The following ASAP1 variants were observed in gnomAD, a reference collection of about 807,000 sequenced individuals.
ASAP1 encodes the protein ArfGAP with SH3 domain, ankyrin repeat and PH domain 1, also known as arf-GAP with SH3 domain, ANK repeat and PH domain-containing protein 1.
Under a neutral mutation model 145.2 loss-of-function variants are expected in ASAP1, and 43 were observed. The observed-to-expected ratio is 0.30, with a 90% CI of 0.23 to 0.38. The LOEUF is 0.38. Ranked by LOEUF, ASAP1 falls within the 10% of genes least tolerant of loss-of-function variation. ASAP1 has a pLI of 1.00. For synonymous variants in ASAP1, 546 were observed against 515.5 expected (o/e 1.06, Z -0.80); for missense variants, 1,018 against 1,355.3 (o/e 0.75, Z 3.91).
intron 3 of ASAP1, among the ~76,000 whole-genome samples, chr8:130,316,311 A>G (rs1823659862): frequency 6.6e-6 from 1 of 152,200 alleles, no homozygotes; most frequent in South Asian, 2.1e-4. Flanking sequence ...TTTGGTATCC[A>G]TATTGGTAAA....
intron 18 of ASAP1, among the ~76,000 whole-genome samples, chr8:130,121,547 C>T (rs12676536): frequency 0.17 from 26,255 of 151,870 alleles, 2,703 homozygotes; most frequent in African/African-American, 0.27. Context: ...ACTGGGAGGC[C>T]GAGGTGGGTG....
intron 2 of ASAP1, among the ~76,000 whole-genome samples, chr8:130,362,038 T>C (rs2138200037): frequency 6.6e-6 from 1 of 152,274 alleles, no homozygotes; most frequent in South Asian, 2.1e-4. Flanking sequence ...TATGGCAGGA[T>C]GCACTTTGTC....
intron 13 of ASAP1, 93 bp downstream of exon 13, chr8:130,152,643 C>T: frequency 1.3e-6 from 1 of 798,174 alleles, no homozygotes; most frequent in Non-Finnish European, 2.0e-6. Flanking sequence ...GACCCAAATG[C>T]ATAAATATAT....
chr8:130,324,351 T>C (rs1474236894), intron 3 of ASAP1, among the ~76,000 whole-genome samples: 1 of 152,180 alleles, frequency 6.6e-6, no homozygotes, highest in Non-Finnish European at 1.5e-5. Context: ...TGGCCGAAAC[T>C]GTCTAAGGCT....
At chr8:130,187,697 T>C (rs140564009) in intron 6 of ASAP1, among the ~76,000 whole-genome samples, 193 of 152,294 alleles carry the variant, frequency 1.3e-3, no homozygotes, top group Admixed American at 2.1e-3. Context: ...GCTCAGATTA[T>C]AGGCATGACC....
intron 4 of ASAP1, among the ~76,000 whole-genome samples, chr8:130,216,097 T>C (rs1816913983): frequency 6.6e-6 from 1 of 151,966 alleles, no homozygotes; most frequent in African/African-American, 2.4e-5. Flanking sequence ...AAAGAAACTA[T>C]GATTACCTGA....
At chr8:130,327,760 G>A (rs1040414753) in intron 3 of ASAP1, among the ~76,000 whole-genome samples, 1 of 152,176 alleles carries the variant, frequency 6.6e-6, no homozygotes, top group Non-Finnish European at 1.5e-5. Flanking sequence ...GGAGGAAAAT[G>A]AGGAGTGACT....
intron 9 of ASAP1, among the ~76,000 whole-genome samples, chr8:130,178,758 G>T (rs571919005): frequency 2.6e-5 from 4 of 152,216 alleles, no homozygotes; most frequent in Non-Finnish European, 5.9e-5. Flanking sequence ...GTGTGGTGGC[G>T]TGCGCCTGTC....
chr8:130,308,062 C>A (rs548226626), intron 3 of ASAP1, among the ~76,000 whole-genome samples: 2 of 152,292 alleles, frequency 1.3e-5, no homozygotes, highest in East Asian at 3.9e-4. Flanking sequence ...GCAAAACATT[C>A]TTGAATTTAT....
At chr8:130,317,102 T>A (rs548932125) in intron 3 of ASAP1, among the ~76,000 whole-genome samples, 2 of 145,436 alleles carry the variant, frequency 1.4e-5, no homozygotes, top group South Asian at 2.1e-4. Context: ...TTTTTTTTTT[T>A]AATCTCTACA....
chr8:130,217,205 G>A (rs577687504), intron 4 of ASAP1, among the ~76,000 whole-genome samples: 12 of 152,206 alleles, frequency 7.9e-5, no homozygotes, highest in Admixed American at 6.5e-5. Context: ...CTGTTGTGGC[G>A]CACAGAGAAG....
intron 4 of ASAP1, among the ~76,000 whole-genome samples, chr8:130,224,584 CCT>C (rs1385458410): frequency 6.6e-6 from 1 of 151,998 alleles, no homozygotes; most frequent in Non-Finnish European, 1.5e-5. Context: ...TGTTTTCACC[CCT>C]TTCTCCCTTT....
At chr8:130,112,775 G>A (rs79473162) in intron 23 of ASAP1, among the ~76,000 whole-genome samples, 15,477 of 152,132 alleles carry the variant, frequency 0.1, 926 homozygotes, top group South Asian at 0.27. Flanking sequence ...AAAGTAAACG[G>A]ATTCACACCC....
intron 3 of ASAP1, among the ~76,000 whole-genome samples, chr8:130,289,715 T>C (rs1383749800): frequency 2.0e-5 from 3 of 152,234 alleles, no homozygotes; most frequent in East Asian, 3.8e-4. Context: ...TCACCTGAAG[T>C]ATCTTACTTG....
At chr8:130,177,058 T>C (rs1814012397) in intron 9 of ASAP1, among the ~76,000 whole-genome samples, 1 of 152,224 alleles carries the variant, frequency 6.6e-6, no homozygotes, top group Non-Finnish European at 1.5e-5. Flanking sequence ...ATAATGGATC[T>C]GACTTACTTC....
At chr8:130,151,286 G>C (rs1390686169) in intron 13 of ASAP1, among the ~76,000 whole-genome samples, 5 of 145,168 alleles carry the variant, frequency 3.4e-5, no homozygotes, top group Non-Finnish European at 7.5e-5. Flanking sequence ...CAGGAGACTC[G>C]CTTGAACCTG....
chr8:130,167,332 A>T, intron 11 of ASAP1: 1 of 667,256 alleles, frequency 1.5e-6, no homozygotes, highest in Non-Finnish European at 2.7e-6. Context: ...AAAAATCCAG[A>T]GTCATGGAAT....
chr8:130,197,662 T>C (rs1430655432), intron 5 of ASAP1, among the ~76,000 whole-genome samples: 1 of 152,244 alleles, frequency 6.6e-6, no homozygotes, highest in Non-Finnish European at 1.5e-5. Flanking sequence ...AGTGCCCTGA[T>C]AGCAGTAACT....
chr8:130,402,957 G>A (rs1369375036), intron 1 of ASAP1, among the ~76,000 whole-genome samples: 1 of 150,116 alleles, frequency 6.7e-6, no homozygotes, highest in African/African-American at 2.4e-5. Context: ...AGGGAATTGT[G>A]TACAGACATA....
Sources: allele counts gnomAD v4.1 joint callset (sites outside exome capture counted in the v4.1 genomes callset), GRCh38; gene constraint gnomAD v4.1.1; transcripts MANE v1.5; gene names NCBI Gene and HGNC (gene_info 2026-07-23, HGNC 2026-07-21).